OR5T1: variants seen among roughly 807,000 people sequenced by gnomAD.
The protein encoded by OR5T1 is olfactory receptor 5T1.
A neutral mutation model predicts 10.1 loss-of-function variants in OR5T1; 14 were observed. That is an observed-to-expected ratio of 1.39 (90% CI 0.92 to 2.18). The LOEUF is 2.18. OR5T1 is among the 30% of genes most tolerant of loss of function. OR5T1 has a pLI of 0.00. For missense variants in OR5T1, 461 were observed against 383.9 expected, an observed-to-expected ratio of 1.20 and a Z score of -1.68; for synonymous variants, 166 against 141.2, an observed-to-expected ratio of 1.18 and a Z score of -1.24.
At position 56,275,927 on chromosome 11, in the gene OR5T1, T is replaced by C. The variant is rs1317036740; in HGVS notation, c.289T>C (p.Phe97Leu). Reference sequence around the variant, plus strand: ...TGTCACTCCAAAAATGTTGGTCAATTTCCTGGCAAAAAATAAATCTATTTC... The same window carrying C: ...TGTCACTCCAAAAATGTTGGTCAATCTCCTGGCAAAAAATAAATCTATTTC... ...TVVTPKMLVN[F>L]LAKNKSISFL... Residue 97 changes from phenylalanine to leucine, a missense_variant, in exon 3 of 3, where the codon TTC (phenylalanine) becomes CTC (leucine). Phe to Leu is a conservative substitution (Grantham distance 22, BLOSUM62 0). Coordinates refer to ENST00000641665, the MANE Select transcript of OR5T1 (RefSeq NM_001004745.2). The C allele has an allele frequency of 6.2e-7, 1 of 1,614,172 alleles. No homozygotes were observed. Among genetic ancestry groups the C allele is most frequent in the Admixed American group, 1.7e-5 (1 of 60,032 alleles).
Position 56,276,396 on chromosome 11 carries a change from G to T in OR5T1, c.758G>T (p.Cys253Phe). ...GGGAGGAGAAAAGTCTTCTCTACATGTGGAGCTCACCTAACTGGAGTGACA... is the reference window on the plus strand; with the variant it reads ...GGGAGGAGAAAAGTCTTCTCTACATTTGGAGCTCACCTAACTGGAGTGACA... Reference protein sequence around the residue: ...AEGRRKVFSTCGAHLTGVTIY... With the variant: ...AEGRRKVFSTFGAHLTGVTIY... The change falls in exon 3 of 3, where the codon TGT (cysteine) becomes TTT (phenylalanine). Residue 253 changes from cysteine (C) to phenylalanine (F), a missense_variant. Cys to Phe is a radical substitution (Grantham distance 205, BLOSUM62 -2). Coordinates refer to ENST00000641665, the MANE Select transcript of OR5T1 (RefSeq NM_001004745.2). 6.2e-7 allele frequency: 1 copy of T among 1,614,070 alleles called. No individual in the cohort carries two copies.
rs1203477875 is a variant in OR5T1, at chr11:56,276,067, G to A, written c.429G>A (p.Leu143=). ...DRYVAIYNPL[L]YSVSMSPRVY... is the part of the protein sequence containing the mutation. The stretch of plus-strand genomic sequence containing the variant: ...ATGTAGCCATCTACAACCCTCTCCT[G>A]TATTCAGTGAGCATGTCACCCAGAG... The change falls in exon 3 of 3, where the codon CTG becomes CTA. Residue 143 remains leucine (L), a synonymous_variant. Coordinates refer to ENST00000641665, the MANE Select transcript of OR5T1 (RefSeq NM_001004745.2). 1.9e-6 allele frequency: 3 copies of A among 1,614,132 alleles called. No individual in the cohort carries two copies. Among genetic ancestry groups the A allele is most frequent in the African/African-American group, 1.3e-5 (1 of 75,036 alleles).
In OR5T1 at chr11:56,275,575, A is replaced by T; in HGVS notation, c.-64A>T. 1 of 1,274,996 alleles carries T rather than the reference A, an allele frequency of 7.8e-7. No individual in the cohort carries two copies. The allele number at this position is 1,274,996 out of a possible 1,614,324, so 79.0% of individuals were successfully genotyped here. A position where few individuals can be genotyped will look rare whatever the true frequency, so the allele number is the denominator to read the frequency against. On this transcript the variant is annotated 5_prime_UTR_variant, in exon 3 of 3. Transcript: ENST00000641665. ...GCTTTTCCAAGAAACGAACATGAGG[A>T]TATAATTGGATAAACTTAATTTTCA... is the stretch of plus-strand genomic sequence containing the variant.
Position 56,275,999 on chromosome 11 carries a change from A to G in OR5T1, c.361A>G (p.Thr121Ala). ...GATGTTTCTTGCTTGTACTTTTGGAACCACAGAATGCTTTCTCTTGGCTGC... is the reference window on the plus strand; with the variant it reads ...GATGTTTCTTGCTTGTACTTTTGGAGCCACAGAATGCTTTCTCTTGGCTGC... ...TQMFLACTFGTTECFLLAAMA... is the reference protein window; with the variant it reads ...TQMFLACTFGATECFLLAAMA... The change falls in exon 3 of 3, where the codon ACC becomes GCC. Residue 121 changes from threonine (T) to alanine (A), a missense_variant. By Grantham distance (58) the Thr-to-Ala change is moderately conservative. Coordinates refer to ENST00000641665, the MANE Select transcript of OR5T1 (RefSeq NM_001004745.2). 6.2e-7 allele frequency: 1 copy of G among 1,613,294 alleles called. No homozygotes were observed. The highest frequency in any genetic ancestry group is 8.5e-7 in the Non-Finnish European group (1 of 1,180,030).
intron 2 of OR5T1, among the ~76,000 whole-genome samples, chr11:56,274,972 T>G (rs2134817142): frequency 6.6e-6 from 1 of 152,332 alleles, no homozygotes; most frequent in Admixed American, 6.5e-5. Flanking sequence ...TTTCCATATT[T>G]AAAATGAGAA....
At position 56,275,778 on chromosome 11, in the gene OR5T1, A is replaced by C. The variant is rs1853929604; in HGVS notation, c.140A>C (p.Tyr47Ser). The C allele has an allele frequency of 2.5e-5, 41 of 1,612,870 alleles. No homozygotes were observed. Among genetic ancestry groups the C allele is most frequent in the Non-Finnish European group, 3.5e-5 (41 of 1,178,936 alleles). Residue 47 changes from tyrosine (Y) to serine (S), a missense_variant, in exon 3 of 3, where the codon TAT becomes TCT. Coordinates refer to ENST00000641665, the MANE Select transcript of OR5T1 (RefSeq NM_001004745.2). The part of the protein sequence containing the change: ...VFLFLLFLAI[Y>S]LFTLIGNLGL... Reference sequence around the variant, plus strand: ...CTATTTTTATTATTTTTAGCAATCTATCTATTCACTCTAATAGGCAATTTA... The same window carrying C: ...CTATTTTTATTATTTTTAGCAATCTCTCTATTCACTCTAATAGGCAATTTA...
intron 2 of OR5T1, among the ~76,000 whole-genome samples, chr11:56,275,250 G>A (rs898462321): frequency 3.3e-5 from 5 of 152,082 alleles, no homozygotes; most frequent in Admixed American, 2.0e-4. Flanking sequence ...TTCTCGTAAC[G>A]TTATCCCTCC....
rs1348642011 is a variant in OR5T1 at position 56,275,584 on chromosome 11, G to C, written c.-55G>C. On this transcript the variant is annotated 5_prime_UTR_variant, in exon 3 of 3. Transcript: ENST00000641665. ...AGAAACGAACATGAGGATATAATTGGATAAACTTAATTTTCACAGGCTGTT... is the reference window on the plus strand; with the variant it reads ...AGAAACGAACATGAGGATATAATTGCATAAACTTAATTTTCACAGGCTGTT... 2 of 1,399,940 alleles carry C rather than the reference G, an allele frequency of 1.4e-6. No homozygotes were observed. Among genetic ancestry groups the C allele is most frequent in the Non-Finnish European group, 1.9e-6 (2 of 1,033,450 alleles). The allele number at this position is 1,399,940 out of a possible 1,614,324, so 86.7% of individuals were successfully genotyped here.
At position 56,276,652 on chromosome 11, in the gene OR5T1, G is replaced by A; in HGVS notation, c.*33G>A. 1 of 1,509,650 alleles carries A rather than the reference G, an allele frequency of 6.6e-7. No homozygotes were observed. Among genetic ancestry groups the A allele is most frequent in the Admixed American group, 1.8e-5 (1 of 56,934 alleles). The allele number at this position is 1,509,650 out of a possible 1,614,324, so 93.5% of individuals were successfully genotyped here. A position where few individuals can be genotyped will look rare whatever the true frequency, so the allele number is the denominator to read the frequency against. On this transcript the variant is annotated 3_prime_UTR_variant, in exon 3 of 3. Coordinates refer to ENST00000641665, the MANE Select transcript of OR5T1 (RefSeq NM_001004745.2). ...ATTGAGTAAAGTTGCAAATAATATT[G>A]GGTGTCAGTCCACATCTCTATGGTC...
Position 56,276,709 on chromosome 11 carries a change from GTT to G in OR5T1, c.*91_*92del. On this transcript the variant is annotated 3_prime_UTR_variant, in exon 3 of 3. Coordinates refer to ENST00000641665, the MANE Select transcript of OR5T1 (RefSeq NM_001004745.2). ...TAGAGAAGAAAATGTGTTTCTTTTA[GTT>G]AACAGTGCTTGTAACTTCTAGAATA... The G allele has an allele frequency of 1.1e-6, 1 of 892,212 alleles. No individual in the cohort carries two copies. 55.3% of individuals were successfully genotyped at this position (892,212 alleles called of 1,614,324 possible).
At chr11:56,275,384 G>T (rs1853924130) in intron 2 of OR5T1, 102 bp from the exon 3 acceptor site, 1 of 328,268 alleles carries the variant, frequency 3.0e-6, no homozygotes, top group East Asian at 5.2e-5. Context: ...CGGTTCTTGA[G>T]ATAGTTTGCT....
In OR5T1 at chr11:56,276,569, G is replaced by C. The variant is rs769486043; in HGVS notation, c.931G>C (p.Glu311Gln). 1.2e-6 allele frequency: 2 copies of C among 1,612,224 alleles called. No homozygotes were observed. The highest frequency in any genetic ancestry group is 1.7e-5 in the Admixed American group (1 of 59,778). The change falls in exon 3 of 3, where the codon GAG (glutamate) becomes CAG (glutamine). Residue 311 changes from glutamate (E) to glutamine (Q), a missense_variant. Glu to Gln is a conservative substitution (Grantham distance 29). Transcript: ENST00000641665. ...CAGTTTGCGGAACAAAGATGTAAAG[G>C]AGGCAATCAAAAGATTGCTTGTGAG... Reference protein sequence around the residue: ...IYSLRNKDVKEAIKRLLVRNW... With the variant: ...IYSLRNKDVKQAIKRLLVRNW...
chr11:56,276,744 A>G lies in OR5T1; in HGVS notation c.*125A>G. On this transcript the variant is annotated 3_prime_UTR_variant, in exon 3 of 3. Coordinates refer to ENST00000641665, the MANE Select transcript of OR5T1 (RefSeq NM_001004745.2). ...CTTGTAACTTCTAGAATATTTTCAA[A>G]TAAAGCATCAATCAGCCTACTAATT... is the stretch of plus-strand genomic sequence containing the variant. The G allele has an allele frequency of 1.5e-6, 1 of 670,368 alleles. No homozygotes were observed. The highest frequency in any genetic ancestry group is 2.5e-6 in the Non-Finnish European group (1 of 398,456). The allele number at this position is 670,368 out of a possible 1,614,324, so 41.5% of individuals were successfully genotyped here. A position where few individuals can be genotyped will look rare whatever the true frequency, so the allele number is the denominator to read the frequency against.
Position 56,276,801 on chromosome 11 carries a change from A to C in OR5T1, c.*182A>C. The C allele has an allele frequency of 1.7e-6, 1 of 583,728 alleles. No homozygotes were observed. Among genetic ancestry groups the C allele is most frequent in the Non-Finnish European group, 3.0e-6 (1 of 332,860 alleles). The allele number at this position is 583,728 out of a possible 1,614,324, so 36.2% of individuals were successfully genotyped here. A position where few individuals can be genotyped will look rare whatever the true frequency, so the allele number is the denominator to read the frequency against. ...TTTAGAAATATCAATATATTGTATC[A>C]TGTATAAAATATGGCTTGTATTCAT... On this transcript the variant is annotated 3_prime_UTR_variant, in exon 3 of 3. Transcript: ENST00000641665.
intron 2 of OR5T1, 61 bp from the exon 3 acceptor site, chr11:56,275,425 T>TA (rs1853924456): frequency 2.5e-6 from 1 of 405,656 alleles, no homozygotes. Context: ...TCATCCATGT[T>TA]AAAAAGATAA....
chr11:56,276,676 T>A lies in OR5T1; in HGVS notation c.*57T>A. 1 of 1,258,770 alleles carries A rather than the reference T, an allele frequency of 7.9e-7. No individual in the cohort carries two copies. Among genetic ancestry groups the A allele is most frequent in the Non-Finnish European group, 1.1e-6 (1 of 895,028 alleles). 78.0% of individuals were successfully genotyped at this position (1,258,770 alleles called of 1,614,324 possible). On this transcript the variant is annotated 3_prime_UTR_variant, in exon 3 of 3. Transcript: ENST00000641665. ...TGGGTGTCAGTCCACATCTCTATGGTCAGAAAGTAGAGAAGAAAATGTGTT... is the reference window on the plus strand; with the variant it reads ...TGGGTGTCAGTCCACATCTCTATGGACAGAAAGTAGAGAAGAAAATGTGTT...
At position 56,276,251 on chromosome 11, in the gene OR5T1, C is replaced by T; in HGVS notation, c.613C>T (p.His205Tyr). Residue 205 changes from histidine to tyrosine, a missense_variant, in exon 3 of 3, where the codon CAC (histidine) becomes TAC (tyrosine). By Grantham distance (83) the His-to-Tyr change is moderately conservative. Transcript: ENST00000641665. ...PLLAISCSDT[H>Y]VIQLLFFYFV... ...GCTTGCTATTTCTTGTTCTGACACTCACGTAATCCAGCTTCTATTCTTCTA... is the reference window on the plus strand; with the variant it reads ...GCTTGCTATTTCTTGTTCTGACACTTACGTAATCCAGCTTCTATTCTTCTA... 2 of 1,614,100 alleles carry T rather than the reference C, an allele frequency of 1.2e-6. No homozygotes were observed. Among genetic ancestry groups the T allele is most frequent in the Non-Finnish European group, 1.7e-6 (2 of 1,180,010 alleles).
At position 56,276,484 on chromosome 11, in the gene OR5T1, T is replaced by C; in HGVS notation, c.846T>C (p.Asn282=). ...VRPSSSYTSD[N]DMIVSIFYTI... is the part of the protein sequence containing the mutation. ...CAAGTTCCAGCTACACTTCGGACAA[T>C]GACATGATAGTGTCAATATTTTATA... The change falls in exon 3 of 3, where the codon AAT becomes AAC. Residue 282 remains asparagine, a synonymous_variant. Coordinates refer to ENST00000641665, the MANE Select transcript of OR5T1 (RefSeq NM_001004745.2). 1 of 1,614,110 alleles carries C rather than the reference T, an allele frequency of 6.2e-7. No individual in the cohort carries two copies. Among genetic ancestry groups the C allele is most frequent in the East Asian group, 2.2e-5 (1 of 44,872 alleles).
Position 56,275,821 on chromosome 11 carries a change from C to G in OR5T1, c.183C>G (p.Ile61Met). 2 of 1,613,326 alleles carry G rather than the reference C, an allele frequency of 1.2e-6. No individual in the cohort carries two copies. Among genetic ancestry groups the G allele is most frequent in the Non-Finnish European group, 1.7e-6 (2 of 1,179,266 alleles). Reference protein sequence around the residue: ...LIGNLGLVVPIIGDFWLHSPM... With the variant: ...LIGNLGLVVPMIGDFWLHSPM... ...GCAATTTAGGGCTGGTTGTACCGAT[C>G]ATTGGGGATTTCTGGCTTCACAGCC... The change falls in exon 3 of 3, where the codon ATC (isoleucine) becomes ATG (methionine). Residue 61 changes from isoleucine (I) to methionine (M), a missense_variant. By Grantham distance (10) the Ile-to-Met change is conservative (BLOSUM62 1). Coordinates refer to ENST00000641665, the MANE Select transcript of OR5T1 (RefSeq NM_001004745.2).
Sources: allele counts gnomAD v4.1 joint callset (sites outside exome capture counted in the v4.1 genomes callset), GRCh38; gene constraint gnomAD v4.1.1; transcripts MANE v1.5; gene names NCBI Gene and HGNC (gene_info 2026-07-23, HGNC 2026-07-21).